The following FAM13B variants were observed in gnomAD, a reference collection of about 807,000 sequenced individuals.
FAM13B encodes the protein protein FAM13B.
Under a neutral mutation model 117.3 loss-of-function variants are expected in FAM13B, and 60 were observed. The ratio of observed to expected loss-of-function variants is 0.51; its 90% CI spans 0.42 to 0.63. The LOEUF is 0.63. Ranked by LOEUF, FAM13B falls within the 30% of genes least tolerant of loss-of-function variation. FAM13B has a pLI of 0.00. For missense variants in FAM13B, 972 were observed against 1,091.9 expected (o/e 0.89, Z 1.55); for synonymous variants, 332 against 356.1 (o/e 0.93, Z 0.76).
chr5:138,030,556 C>A (rs769229857), intron 1 of FAM13B, among the ~76,000 whole-genome samples: 1 of 151,716 alleles, frequency 6.6e-6, no homozygotes, highest in Admixed American at 6.6e-5. Context: ...AGTTTTATTA[C>A]ATATTCATTT....
intron 7 of FAM13B, among the ~76,000 whole-genome samples, chr5:137,997,043 C>T (rs1394271026): frequency 6.6e-6 from 1 of 152,164 alleles, no homozygotes. Context: ...CCAAAATAAA[C>T]TTTCCCAATA....
chr5:137,967,341 T>C (rs1352987438), intron 10 of FAM13B, among the ~76,000 whole-genome samples: 3 of 151,632 alleles, frequency 2.0e-5, no homozygotes, highest in Non-Finnish European at 4.4e-5. Flanking sequence ...CTGGCCAAGA[T>C]GGTGAAACCC....
intron 21 of FAM13B, 44 bp from the exon 22 acceptor site, chr5:137,943,082 G>A (rs143437029): frequency 1.9e-6 from 3 of 1,612,588 alleles, no homozygotes; most frequent in Admixed American, 1.7e-5. Context: ...CCTTGTCTTT[G>A]AACTCTTCCC....
chr5:137,976,746 G>T (rs1774130375), intron 10 of FAM13B, among the ~76,000 whole-genome samples: 1 of 152,120 alleles, frequency 6.6e-6, no homozygotes, highest in African/African-American at 2.4e-5. Context: ...CAATACCCTT[G>T]TGATTTCCTA....
intron 1 of FAM13B, among the ~76,000 whole-genome samples, chr5:138,027,722 T>C (rs1256730764): frequency 1.3e-5 from 2 of 152,246 alleles, no homozygotes; most frequent in Non-Finnish European, 2.9e-5. Flanking sequence ...ACGGTTTGGC[T>C]CTGTGTCCCC....
upstream of FAM13B, chr5:138,033,179 CG>C (rs1268042215): frequency 2.1e-6 from 1 of 466,278 alleles, no homozygotes; most frequent in African/African-American, 2.1e-5. Flanking sequence ...CACAGCATTC[CG>C]GGCAGCGGCC....
rs1760744755 is a variant in FAM13B, at chr5:137,938,365, C to G, written c.*1860G>C. On this transcript the variant is annotated 3_prime_UTR_variant, in exon 24 of 24. Transcript: ENST00000689681. ...TAAATAGTGCATATGGACATTTTTG[C>G]ATGTGGTATATAAAATAAAACATTC... is the stretch of plus-strand genomic sequence containing the variant. The G allele has an allele frequency of 6.6e-6, 1 of 152,426 alleles. No individual in the cohort carries two copies. The highest frequency in any genetic ancestry group is 2.4e-5 in the African/African-American group (1 of 41,374). 9.4% of individuals were successfully genotyped at this position (152,426 alleles called of 1,614,324 possible).
In FAM13B at chr5:137,943,048, T is replaced by G; in HGVS notation, c.2425-10A>C. 3.1e-6 allele frequency: 5 copies of G among 1,612,646 alleles called. No homozygotes were observed. The highest frequency in any genetic ancestry group is 4.2e-6 in the Non-Finnish European group (5 of 1,179,448). On this transcript the variant is annotated splice_polypyrimidine_tract_variant and intron_variant, in intron 21 of 23. Transcript: ENST00000689681. ...CATCTTCTTCTTCCTCCTAAAAAGA[T>G]ATCCAAACAGAGAATCAAACATGCC...
At chr5:138,040,622 T>TCA (rs1791470786) in intron 1 of FAM13B, among the ~76,000 whole-genome samples, 1 of 151,856 alleles carries the variant, frequency 6.6e-6, no homozygotes, top group Non-Finnish European at 1.5e-5. Flanking sequence ...AAGACAATAT[T>TCA]CAAAGAAATA....
intron 1 of FAM13B, among the ~76,000 whole-genome samples, chr5:138,031,026 G>A (rs1023186246): frequency 6.6e-6 from 1 of 151,150 alleles, no homozygotes; most frequent in African/African-American, 2.4e-5. Flanking sequence ...GTGATGCCCT[G>A]TCTCAAAAAA....
intron 10 of FAM13B, among the ~76,000 whole-genome samples, chr5:137,975,185 G>T (rs150561716): frequency 6.6e-6 from 1 of 151,980 alleles, no homozygotes; most frequent in Non-Finnish European, 1.5e-5. Context: ...CTTGAATCAC[G>T]CCATGCCATA....
intron 8 of FAM13B, among the ~76,000 whole-genome samples, chr5:137,987,961 A>T (rs1170997989): frequency 6.6e-6 from 1 of 152,226 alleles, no homozygotes; most frequent in South Asian, 2.1e-4. Flanking sequence ...ACTAACAGCA[A>T]AATGAAAGAA....
chr5:138,011,198 G>T, intron 5 of FAM13B, 49 bp from the exon 6 acceptor site: 1 of 1,537,162 alleles, frequency 6.5e-7, no homozygotes, highest in Non-Finnish European at 8.8e-7. Flanking sequence ...ATCAATCACA[G>T]GTAAAGGTAG....
intron 17 of FAM13B, among the ~76,000 whole-genome samples, chr5:137,949,694 G>A (rs1764399607): frequency 6.6e-6 from 1 of 152,124 alleles, no homozygotes; most frequent in South Asian, 2.1e-4. Flanking sequence ...CAGCTACTCA[G>A]GAGGCTGAGG....
chr5:137,981,265 G>C (rs948120863), intron 10 of FAM13B, among the ~76,000 whole-genome samples: 1 of 151,640 alleles, frequency 6.6e-6, no homozygotes, highest in Non-Finnish European at 1.5e-5. Flanking sequence ...AATAGTGGGA[G>C]ACAGACAATA....
chr5:137,968,748 G>A (rs1032689852), intron 10 of FAM13B, among the ~76,000 whole-genome samples: 5 of 152,340 alleles, frequency 3.3e-5, no homozygotes, highest in African/African-American at 7.2e-5. Flanking sequence ...GTCAGTGGGT[G>A]CGTGCATCGT....
At chr5:137,940,944 C>T (rs1475005984) in intron 23 of FAM13B, among the ~76,000 whole-genome samples, 1 of 152,180 alleles carries the variant, frequency 6.6e-6, no homozygotes, top group African/African-American at 2.4e-5. Context: ...CTTGCTCTGT[C>T]GCCCAGGCTG....
At chr5:137,988,166 G>T in intron 8 of FAM13B, 108 bp downstream of exon 8, 1 of 761,630 alleles carries the variant, frequency 1.3e-6, no homozygotes, top group Non-Finnish European at 2.0e-6. Flanking sequence ...TTTACTGCCT[G>T]TGTACAGTCT....
At chr5:138,038,857 C>T (rs966620244) in intron 1 of FAM13B, among the ~76,000 whole-genome samples, 2 of 152,104 alleles carry the variant, frequency 1.3e-5, no homozygotes, top group African/African-American at 4.8e-5. Context: ...CTGTGCTAGG[C>T]GATATGATCA....
Sources: allele counts gnomAD v4.1 joint callset (sites outside exome capture counted in the v4.1 genomes callset), GRCh38; gene constraint gnomAD v4.1.1; transcripts MANE v1.5; gene names NCBI Gene and HGNC (gene_info 2026-07-23, HGNC 2026-07-21).